The following PTPRG variants were observed in gnomAD, a reference collection of about 807,000 sequenced individuals.
PTPRG encodes protein tyrosine phosphatase receptor type G.
A neutral mutation model predicts 165.3 loss-of-function variants in PTPRG; 102 were observed. The observed-to-expected ratio is 0.62, with a 90% CI of 0.53 to 0.73. PTPRG has a LOEUF of 0.73. Ranked by LOEUF, PTPRG falls within the 30% of genes least tolerant of loss-of-function variation. The pLI is 0.00. For synonymous variants in PTPRG, 675 were observed against 669.5 expected, an observed-to-expected ratio of 1.01 and a Z score of -0.13; for missense variants, 1,866 against 1,861.4, an observed-to-expected ratio of 1.00 and a Z score of -0.05.
chr3:61,730,911 G>C (rs553800675), intron 1 of PTPRG, among the ~76,000 whole-genome samples: 1 of 152,208 alleles, frequency 6.6e-6, no homozygotes, highest in Non-Finnish European at 1.5e-5. Flanking sequence ...TTACAACATT[G>C]ATTCATTTGG....
intron 2 of PTPRG, among the ~76,000 whole-genome samples, chr3:61,920,928 A>T (rs2039062216): frequency 6.6e-6 from 1 of 152,218 alleles, no homozygotes; most frequent in Admixed American, 6.5e-5. Context: ...GATTTGGTGA[A>T]ATATGATGTT....
chr3:62,033,981 G>A (rs890891941), intron 4 of PTPRG, among the ~76,000 whole-genome samples: 11 of 152,030 alleles, frequency 7.2e-5, no homozygotes, highest in African/African-American at 2.7e-4. Context: ...GGCCAGGCTG[G>A]TCTTGAACAC....
In PTPRG at chr3:61,982,618, A is replaced by G. The variant is rs868411363; in HGVS notation, c.191-7007A>G. Among the ~76,000 whole-genome samples, 6 of 152,262 alleles carry G rather than the reference A, an allele frequency of 3.9e-5. No homozygotes were observed. In the South Asian group the frequency reaches 8.3e-4, roughly 21 times the overall value. ...GTCAACTCCTTTTGAGCCTTTACTC[A>G]GCCTAGAGGTCTGTGGCTCAGAACT... On this transcript the variant is annotated intron_variant, in intron 2 of 29. Transcript: ENST00000474889.
intron 4 of PTPRG, among the ~76,000 whole-genome samples, chr3:62,025,624 A>G (rs911853088): frequency 6.6e-6 from 1 of 152,072 alleles, no homozygotes; most frequent in Admixed American, 6.5e-5. Flanking sequence ...TGTGACCTCA[A>G]TTTTTCAAAT....
chr3:62,103,761 A>G (rs1261771539), intron 5 of PTPRG, among the ~76,000 whole-genome samples: 1 of 152,194 alleles, frequency 6.6e-6, no homozygotes. Flanking sequence ...GGCAGCATCC[A>G]TGGACGAGGC....
At position 61,878,125 on chromosome 3, in the gene PTPRG, C is replaced by T. The variant is rs530996533; in HGVS notation, c.191-111500C>T. Among the ~76,000 whole-genome samples, 538 of 152,296 alleles carry T rather than the reference C, an allele frequency of 3.5e-3. 4 individuals are homozygous for T. The highest frequency in any genetic ancestry group is 0.012 in the African/African-American group (516 of 41,570). ...CATATTCTGACATTTATCACCCAAA[C>T]TCACTGAAACACTTAACATTTTCTG... On this transcript the variant is annotated intron_variant, in intron 2 of 29. Transcript: ENST00000474889.
chr3:62,095,213 G>A (rs1702070982), intron 5 of PTPRG, among the ~76,000 whole-genome samples: 2 of 152,188 alleles, frequency 1.3e-5, no homozygotes, highest in Non-Finnish European at 2.9e-5. Flanking sequence ...AGACAGTCTT[G>A]GTGTCAGAGG....
At chr3:61,608,784 G>T (rs990970537) in intron 1 of PTPRG, among the ~76,000 whole-genome samples, 8 of 152,200 alleles carry the variant, frequency 5.3e-5, no homozygotes, top group African/African-American at 1.7e-4. Flanking sequence ...TGGTGATAAA[G>T]GATGCTTTCC....
chr3:61,774,754 C>G (rs2034316831), intron 2 of PTPRG, among the ~76,000 whole-genome samples: 1 of 152,160 alleles, frequency 6.6e-6, no homozygotes, highest in African/African-American at 2.4e-5. Flanking sequence ...CTACCGGTGT[C>G]TCTGCTTCAT....
rs1366099544 is a variant in PTPRG, at chr3:62,237,489, G to T, written c.2375+6178G>T. ...GTATATTTTTCAGCAGGGAGCTCAG[G>T]GACTTGACGTTGACAGCTGATACTG... is the stretch of plus-strand genomic sequence containing the variant. On this transcript the variant is annotated intron_variant, in intron 14 of 29. Transcript: ENST00000474889. The surrounding 1 kb of genome is among the most constrained non-coding windows in gnomAD (Gnocchi z 4.5). Among the ~76,000 whole-genome samples, 1 of 152,164 alleles carries T rather than the reference G, an allele frequency of 6.6e-6. No individual in the cohort carries two copies. The highest frequency in any genetic ancestry group is 1.5e-5 in the Non-Finnish European group (1 of 68,028).
At position 61,820,104 on chromosome 3, in the gene PTPRG, T is replaced by G. The variant is rs183883200; in HGVS notation, c.190+71122T>G. 5.9e-3 allele frequency among the ~76,000 whole-genome samples: 894 copies of G among 152,038 alleles called. 15 individuals are homozygous for G. The highest frequency in any genetic ancestry group is 0.01 in the Middle Eastern group (3 of 294). On this transcript the variant is annotated intron_variant, in intron 2 of 29. Transcript: ENST00000474889. The stretch of plus-strand genomic sequence containing the variant: ...TTTGAAATTTTAGTAGATATGTGAG[T>G]TAGGGTTCTTCAGAGGAGCAGAAAA...
intron 1 of PTPRG, among the ~76,000 whole-genome samples, chr3:61,673,200 A>G (rs74323044): frequency 6.6e-6 from 1 of 152,136 alleles, no homozygotes. Flanking sequence ...CAAATAAATA[A>G]CAAGCTATAA....
intron 28 of PTPRG, among the ~76,000 whole-genome samples, chr3:62,289,756 A>C (rs1702810900): frequency 7.0e-6 from 1 of 142,112 alleles, no homozygotes; most frequent in Non-Finnish European, 1.5e-5. Flanking sequence ...CTTTACCTTT[A>C]TAATTGTTAT....
At chr3:61,721,605 G>A (rs944697847) in intron 1 of PTPRG, among the ~76,000 whole-genome samples, 7 of 152,116 alleles carry the variant, frequency 4.6e-5, no homozygotes, top group African/African-American at 1.7e-4. Flanking sequence ...TTAGCTTTGT[G>A]TCCTGTTTTT....
At chr3:61,978,920 CTGTT>C (rs770113036) in intron 2 of PTPRG, among the ~76,000 whole-genome samples, 60 of 152,280 alleles carry the variant, frequency 3.9e-4, no homozygotes, top group South Asian at 1.0e-3. Flanking sequence ...CTGGAATTGA[CTGTT>C]TGATCTTACA....
rs921036005 is a variant in PTPRG at position 62,297,154 on chromosome 3, T to C, written c.*3847T>C. 2 of 152,092 alleles carry C rather than the reference T, an allele frequency of 1.3e-5. No individual in the cohort carries two copies. Among genetic ancestry groups the C allele is most frequent in the African/African-American group, 4.8e-5 (2 of 41,442 alleles). 9.4% of individuals were successfully genotyped at this position (152,092 alleles called of 1,614,324 possible). A position where few individuals can be genotyped will look rare whatever the true frequency, so the allele number is the denominator to read the frequency against. Reference sequence around the variant, plus strand: ...GCATCTTCTGGGAACTTTGTATCTATGGTATATAATCATAGAATTTTATAT... The same window carrying C: ...GCATCTTCTGGGAACTTTGTATCTACGGTATATAATCATAGAATTTTATAT... On this transcript the variant is annotated 3_prime_UTR_variant, in exon 30 of 30. Coordinates refer to ENST00000474889, the MANE Select transcript of PTPRG (RefSeq NM_002841.4).
chr3:62,243,625 G>A, intron 14 of PTPRG, 182 bp from the exon 15 acceptor site: 1 of 470,346 alleles, frequency 2.1e-6, no homozygotes, highest in Non-Finnish European at 3.8e-6. Context: ...ATATGCTGTA[G>A]CAATTTTGGG....
At chr3:62,119,787 A>ATTTTTTTTT (rs34842750) in intron 5 of PTPRG, among the ~76,000 whole-genome samples, 22 of 111,700 alleles carry the variant, frequency 2.0e-4, no homozygotes, top group East Asian at 2.6e-4. Context: ...CGCCTGGCTA[A>ATTTTTTTTT]TTTTTTTTTT....
intron 1 of PTPRG, among the ~76,000 whole-genome samples, chr3:61,570,892 G>A (rs1221784787): frequency 6.6e-6 from 1 of 152,096 alleles, no homozygotes; most frequent in African/African-American, 2.4e-5. Context: ...TCTGTCTGTG[G>A]GTAGCTAAGG....
Sources: gnomAD v4.1 joint callset for allele counts (sites outside exome capture counted in the v4.1 genomes callset) on GRCh38, gnomAD v4.1.1 for gene constraint, Gnocchi (gnomAD v3.1) non-coding constraint, MANE v1.5 for transcripts, NCBI Gene and HGNC (gene_info 2026-07-23, HGNC 2026-07-21) for gene names.